AKNAD1: variants seen among roughly 807,000 people sequenced by gnomAD.
AKNAD1 encodes the protein AKNA domain containing 1, also known as protein AKNAD1.
A neutral mutation model predicts 90.8 loss-of-function variants in AKNAD1; 67 were observed. The ratio of observed to expected loss-of-function variants is 0.74; its 90% CI spans 0.61 to 0.90. AKNAD1 has a LOEUF of 0.90. Ranked by LOEUF, AKNAD1 falls within the 40% of genes least tolerant of loss-of-function variation. The probability of loss-of-function intolerance (pLI) is 0.00; values close to 1 mark genes in which losing one functional copy is unlikely to be tolerated. For missense variants in AKNAD1, 957 were observed against 975.4 expected (o/e 0.98, Z 0.25); for synonymous variants, 327 against 341.4 (o/e 0.96, Z 0.46).
intron 5 of AKNAD1, among the ~76,000 whole-genome samples, chr1:108,846,905 T>C (rs1190394251): frequency 6.6e-6 from 1 of 152,028 alleles, no homozygotes; most frequent in African/African-American, 2.4e-5. Context: ...AACGGGATCC[T>C]CTACTTTTAT....
rs1050899966 is a variant in AKNAD1 at position 108,818,174 on chromosome 1, C to T, written c.2250-997G>A. Among the ~76,000 whole-genome samples, 3 of 152,194 alleles carry T rather than the reference C, an allele frequency of 2.0e-5. No individual in the cohort carries two copies. In the South Asian group the frequency reaches 6.2e-4, roughly 31 times the overall value. On this transcript the variant is annotated intron_variant, in intron 14 of 15. Transcript: ENST00000370001. The stretch of plus-strand genomic sequence containing the variant: ...GTGGCCCTGAGGGATGCCATGAGAA[C>T]TTGCCTGTTGACTGAGCAGTCATAG...
At chr1:108,826,926 C>T (rs1042973412) in intron 11 of AKNAD1, among the ~76,000 whole-genome samples, 1 of 150,654 alleles carries the variant, frequency 6.6e-6, no homozygotes, top group Admixed American at 6.7e-5. Flanking sequence ...TTTTTTTGTA[C>T]AGATGGAATG....
At chr1:108,853,789 A>C (rs1413986991) in intron 1 of AKNAD1, among the ~76,000 whole-genome samples, 1 of 151,980 alleles carries the variant, frequency 6.6e-6, no homozygotes, top group African/African-American at 2.4e-5. Context: ...ACAAAAAGTT[A>C]GTCAGGTGTA....
At chr1:108,819,542 C>T (rs1216799992) in intron 14 of AKNAD1, among the ~76,000 whole-genome samples, 6 of 151,680 alleles carry the variant, frequency 4.0e-5, no homozygotes, top group Admixed American at 3.9e-4. Context: ...ATCACTTGAG[C>T]CGAGGAGGTC....
intron 5 of AKNAD1, among the ~76,000 whole-genome samples, chr1:108,843,896 G>A (rs565943974): frequency 7.2e-5 from 11 of 152,274 alleles, no homozygotes; most frequent in Admixed American, 7.2e-4. Flanking sequence ...CGGGTTAGGG[G>A]CATGTTGAAG....
chr1:108,834,611 G>A, intron 8 of AKNAD1, 83 bp from the exon 9 acceptor site: 1 of 1,361,386 alleles, frequency 7.3e-7, no homozygotes, highest in African/African-American at 1.4e-5. Flanking sequence ...GGAATCACTT[G>A]GCATCACCCC....
chr1:108,854,822 T>C (rs1664985309), intron 1 of AKNAD1, among the ~76,000 whole-genome samples: 1 of 152,186 alleles, frequency 6.6e-6, no homozygotes, highest in African/African-American at 2.4e-5. Context: ...TGGAGAGGCA[T>C]GGATCTGAAT....
intron 10 of AKNAD1, among the ~76,000 whole-genome samples, chr1:108,827,879 T>C (rs1316453046): frequency 6.6e-6 from 1 of 151,210 alleles, no homozygotes; most frequent in Non-Finnish European, 1.5e-5. Context: ...CCGAGGTTAA[T>C]ATCTAATCAT....
chr1:108,825,301 T>C (rs1413114333), intron 11 of AKNAD1, among the ~76,000 whole-genome samples: 1 of 151,708 alleles, frequency 6.6e-6, no homozygotes, highest in Non-Finnish European at 1.5e-5. Flanking sequence ...AGCCTTAAGT[T>C]CTGGGATACT....
Position 108,848,975 on chromosome 1 carries a change from C to T in AKNAD1, c.1119G>A (p.Lys373=). The T allele has an allele frequency of 1.2e-6, 2 of 1,611,282 alleles. No homozygotes were observed. Among genetic ancestry groups the T allele is most frequent in the Non-Finnish European group, 1.7e-6 (2 of 1,179,332 alleles). ...TSSSSSYIFQ[K]ISQGKQMCQK... ...GACACATCTGTTTCCCTTGGGATAT[C>T]TTTTGAAATATGTAAGAAGAACTTG... is the stretch of plus-strand genomic sequence containing the variant. Residue 373 remains lysine (K), a synonymous_variant, in exon 4 of 16, where the codon AAG becomes AAA. Transcript: ENST00000370001.
At chr1:108,855,935 G>A (rs1187594455) in intron 1 of AKNAD1, among the ~76,000 whole-genome samples, 4 of 145,444 alleles carry the variant, frequency 2.8e-5, no homozygotes, top group African/African-American at 7.7e-5. Context: ...GGAGTGTAGT[G>A]ACAACACCAT....
chr1:108,846,622 T>C (rs547279846), intron 5 of AKNAD1, among the ~76,000 whole-genome samples: 1 of 152,126 alleles, frequency 6.6e-6, no homozygotes, highest in East Asian at 1.9e-4. Flanking sequence ...CCGCCTCCGC[T>C]CCTCCCCAGC....
At position 108,831,390 on chromosome 1, in the gene AKNAD1, G is replaced by A. The variant is rs140333089; in HGVS notation, c.1747-740C>T. Among the ~76,000 whole-genome samples the A allele has an allele frequency of 6.0e-3, 912 of 152,318 alleles. 12 individuals carry two copies. Among genetic ancestry groups the A allele is most frequent in the African/African-American group, 0.021 (879 of 41,566 alleles). ...AGGAAATGTCTGGGCCAAAGGTTGC[G>A]AACATGTTTGTGTGATGACCCATAT... On this transcript the variant is annotated intron_variant, in intron 9 of 15. Transcript: ENST00000370001.
intron 9 of AKNAD1, 38 bp from the exon 10 acceptor site, chr1:108,830,688 G>A (rs1664168819): frequency 1.3e-5 from 21 of 1,602,934 alleles, no homozygotes; most frequent in Non-Finnish European, 1.7e-5. Flanking sequence ...TGTGATAGAG[G>A]ATGTGACTCA....
chr1:108,827,359 A>T, intron 10 of AKNAD1, 57 bp from the exon 11 acceptor site: 1 of 1,317,042 alleles, frequency 7.6e-7, no homozygotes, highest in Non-Finnish European at 1.1e-6. Context: ...ATAGATAGGG[A>T]AAGTTTTGGT....
Position 108,843,237 on chromosome 1 carries a change from G to A in AKNAD1, c.1276C>T (p.Leu426=). The A allele has an allele frequency of 6.2e-7, 1 of 1,614,144 alleles. No individual in the cohort carries two copies. Among genetic ancestry groups the A allele is most frequent in the Non-Finnish European group, 8.5e-7 (1 of 1,180,020 alleles). ...GTGGCCAGAAAGTTCTGCTCCAGCA[G>A]TTCAAGGTGTCCCTGCAGTTTCTCC... ...VLEKLQGHLE[L]LEQNFLATKD... is the part of the protein sequence containing the mutation. The change falls in exon 6 of 16, where the codon CTG becomes TTG. Residue 426 remains leucine (L), a synonymous_variant. Transcript: ENST00000370001.
At chr1:108,839,478 A>AAAAAGAAAAAAAAAAAAAAAAG (rs1557833674) in intron 6 of AKNAD1, among the ~76,000 whole-genome samples, 3 of 151,668 alleles carry the variant, frequency 2.0e-5, no homozygotes, top group Non-Finnish European at 2.9e-5. Context: ...CAATAAAAAA[A>AAAAAGAAAAAAAAAAAAAAAAG]AAAAGAAAAG....
chr1:108,830,550 A>C lies in AKNAD1; in HGVS notation c.1838+9T>G. ...CCACCCTGGGAATGTAGCCACAAGA[A>C]GCCCTCACCATTCAAGGAGCCTGCG... is the stretch of plus-strand genomic sequence containing the variant. On this transcript the variant is annotated intron_variant, in intron 10 of 15. Transcript: ENST00000370001. 1 of 1,613,668 alleles carries C rather than the reference A, an allele frequency of 6.2e-7. No individual in the cohort carries two copies. Among genetic ancestry groups the C allele is most frequent in the East Asian group, 2.2e-5 (1 of 44,864 alleles).
At position 108,852,626 on chromosome 1, in the gene AKNAD1, C is replaced by T. The variant is rs1326851032; in HGVS notation, c.39G>A (p.Lys13=). Residue 13 remains lysine (K), a synonymous_variant, in exon 2 of 16, where the codon AAG becomes AAA. Coordinates refer to ENST00000370001, the MANE Select transcript of AKNAD1 (RefSeq NM_152763.5). ...CCCCATCATAAGGCAAATCCTCCTGCTTATAAGTCGTGTGTTCTGAAAAAT... is the reference window on the plus strand; with the variant it reads ...CCCCATCATAAGGCAAATCCTCCTGTTTATAAGTCGTGTGTTCTGAAAAAT... ...EADFSEHTTY[K]QEDLPYDGDL... is the part of the protein sequence containing the mutation. 1 of 1,601,420 alleles carries T rather than the reference C, an allele frequency of 6.2e-7. No individual in the cohort carries two copies.
Sources: allele counts gnomAD v4.1 joint callset (sites outside exome capture counted in the v4.1 genomes callset), GRCh38; gene constraint gnomAD v4.1.1; transcripts MANE v1.5; gene names NCBI Gene and HGNC (gene_info 2026-07-23, HGNC 2026-07-21).